The following FRAS1 variants were observed in gnomAD, a reference collection of about 807,000 sequenced individuals.
The protein encoded by FRAS1 is extracellular matrix organizing protein FRAS1.
FRAS1 carries 290 observed loss-of-function variants against 435.2 expected under a neutral mutation model. The ratio of observed to expected loss-of-function variants is 0.67; its 90% CI spans 0.61 to 0.73. The LOEUF is 0.73. Among genes scored for constraint, FRAS1 ranks in the 30% least tolerant of loss-of-function variants. The probability of loss-of-function intolerance (pLI) is 0.00; values close to 1 mark genes in which losing one functional copy is unlikely to be tolerated. For missense variants in FRAS1, 4,860 were observed against 5,001.5 expected, an observed-to-expected ratio of 0.97 and a Z score of 0.85; for synonymous variants, 1,800 against 1,851.0, an observed-to-expected ratio of 0.97 and a Z score of 0.71.
At chr4:78,096,244 G>C (rs984023153) in intron 2 of FRAS1, among the ~76,000 whole-genome samples, 46 of 152,224 alleles carry the variant, frequency 3.0e-4, no homozygotes, top group African/African-American at 1.1e-3. Context: ...CAAGAGGGGG[G>C]TTCCCATGGT....
At chr4:78,203,177 T>A (rs994121299) in intron 2 of FRAS1, among the ~76,000 whole-genome samples, 8 of 152,176 alleles carry the variant, frequency 5.3e-5, no homozygotes, top group Middle Eastern at 3.2e-3. Flanking sequence ...GTGCTTCTTC[T>A]GTAGCTATTG....
intron 67 of FRAS1, 74 bp downstream of exon 67, chr4:78,519,555 C>A (rs1323708769): frequency 4.0e-6 from 6 of 1,508,774 alleles, no homozygotes; most frequent in Non-Finnish European, 5.4e-6. Flanking sequence ...AGAGTAGTGA[C>A]TTTTAACAGT....
At chr4:78,273,826 C>T (rs1024287286) in intron 9 of FRAS1, among the ~76,000 whole-genome samples, 21 of 152,170 alleles carry the variant, frequency 1.4e-4, no homozygotes, top group African/African-American at 4.8e-4. Flanking sequence ...ATGCTGGCCT[C>T]ATAAAATGAG....
chr4:78,283,023 G>C, intron 12 of FRAS1, 56 bp downstream of exon 12: 1 of 1,303,718 alleles, frequency 7.7e-7, no homozygotes, highest in Non-Finnish European at 1.0e-6. Context: ...AAAAAGCTCA[G>C]AGATCCTCTT....
chr4:78,407,834 G>T lies in FRAS1; in HGVS notation c.4301G>T (p.Arg1434Leu). Residue 1434 changes from arginine to leucine, a missense_variant, in exon 31 of 74, where the codon CGC becomes CTC. Coordinates refer to ENST00000512123, the MANE Select transcript of FRAS1 (RefSeq NM_025074.7). ...SGAPAQSDSF[R>L]FEVSSASNAQ... is the part of the protein sequence containing the mutation. ...GCCCCAGCCCAGAGCGACTCCTTCC[G>T]CTTCGAGGTACCCTCTGCTTCCTGA... The T allele has an allele frequency of 1.9e-6, 3 of 1,597,338 alleles. No homozygotes were observed. The highest frequency in any genetic ancestry group is 2.6e-6 in the Non-Finnish European group (3 of 1,171,066).
At position 78,466,437 on chromosome 4, in the gene FRAS1, T is replaced by G. The variant is rs1396107104; in HGVS notation, c.7257+2T>G. 6.8e-6 allele frequency: 11 copies of G among 1,607,216 alleles called. 1 individual carries two copies. The South Asian group carries it at 1.2e-4, about 18-fold the overall frequency. On this transcript the variant is annotated splice_donor_variant, in intron 50 of 73. Coordinates refer to ENST00000512123, the MANE Select transcript of FRAS1 (RefSeq NM_025074.7). LOFTEE classifies it high-confidence loss of function. ...ATCATTGAGGAAGGGGGAAAAGAGG[T>G]GAGGGGTGAGGACACTGGAGGAGGT...
chr4:78,270,450 A>G (rs1276213192), intron 9 of FRAS1, among the ~76,000 whole-genome samples: 1 of 152,118 alleles, frequency 6.6e-6, no homozygotes, highest in Non-Finnish European at 1.5e-5. Flanking sequence ...GGCAGCTCAC[A>G]TTTATGGAGT....
chr4:78,154,535 C>T (rs1040675342), intron 2 of FRAS1, among the ~76,000 whole-genome samples: 4 of 152,210 alleles, frequency 2.6e-5, no homozygotes, highest in African/African-American at 9.6e-5. Context: ...GCCCAGTCTT[C>T]ATCACTGTAC....
intron 2 of FRAS1, among the ~76,000 whole-genome samples, chr4:78,147,113 A>G (rs1720452272): frequency 6.6e-6 from 1 of 152,078 alleles, no homozygotes; most frequent in South Asian, 2.1e-4. Context: ...CCTGTCTTAT[A>G]TTATGTGTTC....
intron 2 of FRAS1, among the ~76,000 whole-genome samples, chr4:78,069,062 G>A (rs2109855080): frequency 6.6e-6 from 1 of 152,322 alleles, no homozygotes. Flanking sequence ...AAGGCTTCTA[G>A]TGTAAGAGGC....
chr4:78,392,679 G>A (rs1330044132), intron 29 of FRAS1, among the ~76,000 whole-genome samples: 1 of 151,798 alleles, frequency 6.6e-6, no homozygotes, highest in Non-Finnish European at 1.5e-5. Flanking sequence ...TTTACTTTTT[G>A]GGATTTTATT....
intron 2 of FRAS1, among the ~76,000 whole-genome samples, chr4:78,176,524 T>C (rs1721784824): frequency 6.6e-6 from 1 of 152,220 alleles, no homozygotes; most frequent in Admixed American, 6.5e-5. Flanking sequence ...CCTTCAAATA[T>C]GTGAAGACAG....
intron 18 of FRAS1, among the ~76,000 whole-genome samples, chr4:78,322,226 A>G (rs968986598): frequency 2.0e-5 from 3 of 152,118 alleles, no homozygotes; most frequent in Non-Finnish European, 4.4e-5. Flanking sequence ...GCCTTCCCAT[A>G]ATCTGTTCCG....
At chr4:78,247,350 G>T (rs1560601561) in intron 4 of FRAS1, among the ~76,000 whole-genome samples, 1 of 152,048 alleles carries the variant, frequency 6.6e-6, no homozygotes, top group Non-Finnish European at 1.5e-5. Flanking sequence ...TCTGGTATTT[G>T]ATGTAACTGA....
chr4:78,291,812 T>C (rs1201011311), intron 14 of FRAS1, among the ~76,000 whole-genome samples: 1 of 152,194 alleles, frequency 6.6e-6, no homozygotes, highest in Non-Finnish European at 1.5e-5. Flanking sequence ...TGAAGTTTAT[T>C]CTATATCTGA....
chr4:78,374,344 T>C, intron 25 of FRAS1, 93 bp downstream of exon 25: 2 of 1,288,036 alleles, frequency 1.6e-6, no homozygotes, highest in Non-Finnish European at 2.1e-6. Flanking sequence ...ATACTTAAAT[T>C]AGAAAGCAGA....
At chr4:78,451,951 T>G in intron 46 of FRAS1, 60 bp downstream of exon 46, 1 of 1,515,538 alleles carries the variant, frequency 6.6e-7, no homozygotes, top group African/African-American at 1.4e-5. Context: ...GGTTATATAG[T>G]TTACACTTTG....
At chr4:78,373,961 CAG>C in intron 24 of FRAS1, 148 bp from the exon 25 acceptor site, 3 of 574,720 alleles carry the variant, frequency 5.2e-6, no homozygotes, top group Non-Finnish European at 8.3e-6. Flanking sequence ...TAGTGACAAC[CAG>C]AACCCAGACT....
In FRAS1 at chr4:78,369,824, T is replaced by C; in HGVS notation, c.2723-14T>C. The C allele has an allele frequency of 6.2e-7, 1 of 1,603,698 alleles. No homozygotes were observed. The highest frequency in any genetic ancestry group is 1.1e-5 in the South Asian group (1 of 89,440). On this transcript the variant is annotated splice_polypyrimidine_tract_variant and intron_variant, in intron 22 of 73. Coordinates refer to ENST00000512123, the MANE Select transcript of FRAS1 (RefSeq NM_025074.7). ...TTGTAATCATCTGGTCATTTTCTTTTCCTGTCTGCTCAGCATGCAACACAC... is the reference window on the plus strand; with the variant it reads ...TTGTAATCATCTGGTCATTTTCTTTCCCTGTCTGCTCAGCATGCAACACAC...
Sources: gnomAD v4.1 joint callset for allele counts (sites outside exome capture counted in the v4.1 genomes callset) on GRCh38, gnomAD v4.1.1 for gene constraint, MANE v1.5 for transcripts, NCBI Gene and HGNC (gene_info 2026-07-23, HGNC 2026-07-21) for gene names.